Variants in TDRD3 observed in about 807,000 individuals in gnomAD.
The protein encoded by TDRD3 is tudor domain containing 3.
A neutral mutation model predicts 86.7 loss-of-function variants in TDRD3; 45 were observed. The ratio of observed to expected loss-of-function variants is 0.52; its 90% CI spans 0.41 to 0.67. The LOEUF is 0.67. Ranked by LOEUF, TDRD3 falls within the 30% of genes least tolerant of loss-of-function variation. The probability of loss-of-function intolerance (pLI) is 0.00; values close to 1 mark genes in which losing one functional copy is unlikely to be tolerated. For missense variants in TDRD3, 814 were observed against 889.0 expected (o/e 0.92, Z 1.07); for synonymous variants, 298 against 301.7 (o/e 0.99, Z 0.13).
chr13:60,410,103 C>G (rs1157518825), intron 1 of TDRD3, among the ~76,000 whole-genome samples: 1 of 152,144 alleles, frequency 6.6e-6, no homozygotes, highest in African/African-American at 2.4e-5. Flanking sequence ...TTGCCATCGC[C>G]ATGAAAGAAG....
At chr13:60,429,647 A>G (rs1204467686) in intron 1 of TDRD3, among the ~76,000 whole-genome samples, 1 of 152,182 alleles carries the variant, frequency 6.6e-6, no homozygotes, top group African/African-American at 2.4e-5. Flanking sequence ...CAAAATAAAT[A>G]ATAAAGGTAT....
intron 8 of TDRD3, among the ~76,000 whole-genome samples, chr13:60,506,908 G>T (rs758782881): frequency 1.3e-5 from 2 of 152,138 alleles, no homozygotes; most frequent in Non-Finnish European, 1.5e-5. Flanking sequence ...GCACAGACTG[G>T]CAAATTGGAT....
chr13:60,525,212 C>T (rs527934105), intron 10 of TDRD3, among the ~76,000 whole-genome samples: 26 of 101,370 alleles, frequency 2.6e-4, no homozygotes, highest in African/African-American at 9.4e-4. Flanking sequence ...CTCTGTCTGT[C>T]GCCCAGGCTG....
chr13:60,524,034 A>G (rs568157703), intron 10 of TDRD3, among the ~76,000 whole-genome samples: 6 of 152,114 alleles, frequency 3.9e-5, no homozygotes, highest in Admixed American at 3.9e-4. Context: ...ACTGTACAGA[A>G]AAATATCTTA....
chr13:60,433,762 G>A (rs997095804), intron 1 of TDRD3, among the ~76,000 whole-genome samples: 2 of 152,176 alleles, frequency 1.3e-5, no homozygotes, highest in African/African-American at 4.8e-5. Flanking sequence ...ACTAGTCCTC[G>A]TGCAGACATG....
intron 5 of TDRD3, among the ~76,000 whole-genome samples, chr13:60,475,276 G>A (rs1018166888): frequency 1.3e-5 from 2 of 151,968 alleles, no homozygotes; most frequent in African/African-American, 4.8e-5. Flanking sequence ...AGTGTCTCTT[G>A]TTCCCATCTC....
Position 60,498,316 on chromosome 13 carries a change from A to T in TDRD3, c.858+3741A>T, listed in dbSNP as rs563556618. Reference sequence around the variant, plus strand: ...TGTGAACTGCAGTCACTCAACTACAAAATTTAACTGCAGTGGGAATAATTG... The same window carrying T: ...TGTGAACTGCAGTCACTCAACTACATAATTTAACTGCAGTGGGAATAATTG... On this transcript the variant is annotated intron_variant, in intron 8 of 13. Coordinates refer to ENST00000377881, the MANE Select transcript of TDRD3 (RefSeq NM_001146070.2). Among the ~76,000 whole-genome samples the T allele has an allele frequency of 7.9e-5, 12 of 152,242 alleles. No individual in the cohort carries two copies. In the South Asian group the frequency reaches 2.5e-3, roughly 32 times the overall value.
chr13:60,540,108 G>A (rs1263225231), intron 12 of TDRD3, among the ~76,000 whole-genome samples: 4 of 152,042 alleles, frequency 2.6e-5, no homozygotes, highest in African/African-American at 4.8e-5. Flanking sequence ...AAATAAGTTT[G>A]CAGTTATAAT....
rs1391912653 is a variant in TDRD3 at position 60,509,476 on chromosome 13, A to G, written c.859-287A>G. The G allele has an allele frequency of 1.1e-5, 3 of 273,872 alleles. No individual in the cohort carries two copies. In the East Asian group the frequency reaches 2.3e-4, roughly 21 times the overall value. 17.0% of individuals were successfully genotyped at this position (273,872 alleles called of 1,614,324 possible). A position where few individuals can be genotyped will look rare whatever the true frequency, so the allele number is the denominator to read the frequency against. On this transcript the variant is annotated intron_variant, in intron 8 of 13. Transcript: ENST00000377881. ...TTAAGTAGTTTTCTCCTCACTGTCT[A>G]TATTATTTTCAAAGGCCATACTCTA... is the stretch of plus-strand genomic sequence containing the variant.
intron 12 of TDRD3, 182 bp downstream of exon 12, chr13:60,535,415 G>A (rs1957677820): frequency 4.2e-6 from 2 of 477,906 alleles, no homozygotes; most frequent in Admixed American, 9.1e-5. Context: ...CAATAAAAAT[G>A]AATGCATTGA....
chr13:60,487,882 C>T (rs369071171), intron 7 of TDRD3, among the ~76,000 whole-genome samples: 1 of 152,152 alleles, frequency 6.6e-6, no homozygotes, highest in Non-Finnish European at 1.5e-5. Context: ...ATTTACATTC[C>T]CACCAACAGT....
chr13:60,423,393 T>C (rs1954714348), intron 1 of TDRD3, among the ~76,000 whole-genome samples: 1 of 152,146 alleles, frequency 6.6e-6, no homozygotes, highest in Admixed American at 6.6e-5. Flanking sequence ...GGACAAAATA[T>C]AAGGAGGTAG....
chr13:60,404,850 T>C (rs1954196161), intron 1 of TDRD3, among the ~76,000 whole-genome samples: 1 of 152,220 alleles, frequency 6.6e-6, no homozygotes, highest in Non-Finnish European at 1.5e-5. Context: ...AATCCCCACA[T>C]GTTGTGGGAA....
chr13:60,534,755 A>G (rs1242459299), intron 11 of TDRD3, among the ~76,000 whole-genome samples: 8 of 151,334 alleles, frequency 5.3e-5, no homozygotes. Flanking sequence ...GTGAAACCCC[A>G]TCTCTATAAA....
Position 60,535,219 on chromosome 13 carries a change from C to T in TDRD3, c.2104C>T (p.Gln702Ter). The T allele has an allele frequency of 6.2e-7, 1 of 1,613,408 alleles. No individual in the cohort carries two copies. Among genetic ancestry groups the T allele is most frequent in the Non-Finnish European group, 8.5e-7 (1 of 1,179,660 alleles). Residue 702 changes from glutamine (Q) to a stop codon, truncating the protein, a stop_gained, in exon 12 of 14, where the codon CAA (glutamine) becomes TAA (stop). Transcript: ENST00000377881. LOFTEE classifies it high-confidence loss of function. The part of the protein sequence containing the change: ...EVLLSNIKPI[Q>*]TEAWEEEGTY... ...GCTACTGAGCAATATCAAGCCCATT[C>T]AAACAGAGGCATGGGTACGTGATAC... is the stretch of plus-strand genomic sequence containing the variant.
At position 60,509,657 on chromosome 13, in the gene TDRD3, A is replaced by T. The variant is rs559410453; in HGVS notation, c.859-106A>T. On this transcript the variant is annotated intron_variant, in intron 8 of 13. Coordinates refer to ENST00000377881, the MANE Select transcript of TDRD3 (RefSeq NM_001146070.2). ...TGTTGTATTAGAATGACATTTTTAC[A>T]TAAGTATGGGATGTAATTTTTAGTT... is the stretch of plus-strand genomic sequence containing the variant. 14 of 1,342,986 alleles carry T rather than the reference A, an allele frequency of 1.0e-5. No individual in the cohort carries two copies. In the Admixed American group the frequency reaches 1.6e-4, roughly 16 times the overall value. 83.2% of individuals were successfully genotyped at this position (1,342,986 alleles called of 1,614,324 possible).
At position 60,457,982 on chromosome 13, in the gene TDRD3, C is replaced by T. The variant is rs113008792; in HGVS notation, c.193-2398C>T. 3.4e-3 allele frequency among the ~76,000 whole-genome samples: 513 copies of T among 152,220 alleles called. 4 individuals carry two copies. Among genetic ancestry groups the T allele is most frequent in the African/African-American group, 0.012 (489 of 41,542 alleles). Reference sequence around the variant, plus strand: ...TACCTTAATTACATCTGAAAAGAGCCTTGTTCCCAAACGAGGTCATATTTA... The same window carrying T: ...TACCTTAATTACATCTGAAAAGAGCTTTGTTCCCAAACGAGGTCATATTTA... On this transcript the variant is annotated intron_variant, in intron 3 of 13. Transcript: ENST00000377881.
chr13:60,568,252 T>C (rs1958509764), intron 13 of TDRD3, among the ~76,000 whole-genome samples: 1 of 152,174 alleles, frequency 6.6e-6, no homozygotes, highest in African/African-American at 2.4e-5. Context: ...CTAATGCTAA[T>C]TGACTTCTGA....
In TDRD3 at chr13:60,397,410, G is replaced by T; in HGVS notation, c.41+5G>T. 6.7e-7 allele frequency: 1 copy of T among 1,494,736 alleles called. No homozygotes were observed. Among genetic ancestry groups the T allele is most frequent in the East Asian group, 2.7e-5 (1 of 37,066 alleles). The allele number at this position is 1,494,736 out of a possible 1,614,324, so 92.6% of individuals were successfully genotyped here. On this transcript the variant is annotated splice_donor_5th_base_variant and intron_variant, in intron 1 of 13. Transcript: ENST00000377881. Reference sequence around the variant, plus strand: ...GGCGTTGTCCCAGGCGGGTTGGTAAGTGGCGAGTCCCGCCGGCTGCCGGGC... The same window carrying T: ...GGCGTTGTCCCAGGCGGGTTGGTAATTGGCGAGTCCCGCCGGCTGCCGGGC...
Sources: allele counts gnomAD v4.1 joint callset (sites outside exome capture counted in the v4.1 genomes callset), GRCh38; gene constraint gnomAD v4.1.1; transcripts MANE v1.5; gene names NCBI Gene and HGNC (gene_info 2026-07-23, HGNC 2026-07-21).